The following NELL1 variants were observed in gnomAD, a reference collection of about 807,000 sequenced individuals.
The protein encoded by NELL1 is protein kinase C-binding protein NELL1.
A neutral mutation model predicts 107.4 loss-of-function variants in NELL1; 76 were observed. The observed-to-expected ratio is 0.71, with a 90% CI of 0.59 to 0.86. The LOEUF (loss-of-function observed/expected upper bound fraction) is 0.86, where lower values mean the gene tolerates loss of function less well. NELL1 is among the 40% of genes least tolerant of loss of function. The probability of loss-of-function intolerance (pLI) is 0.00; values close to 1 mark genes in which losing one functional copy is unlikely to be tolerated. For missense variants in NELL1, 1,024 were observed against 1,005.5 expected, an observed-to-expected ratio of 1.02 and a Z score of -0.25; for synonymous variants, 353 against 341.2, an observed-to-expected ratio of 1.03 and a Z score of -0.38.
In NELL1 at chr11:21,560,187, A is replaced by C. The variant is rs772996793; in HGVS notation, c.1787-2A>C. ...TAAGCTTCTGTGCTTCCTATATTGC[A>C]GACATTGATGAATGTGCCTTAAGAA... is the stretch of plus-strand genomic sequence containing the variant. On this transcript the variant is annotated splice_acceptor_variant, in intron 16 of 19. Coordinates refer to ENST00000357134, the MANE Select transcript of NELL1 (RefSeq NM_006157.5). LOFTEE classifies it high-confidence loss of function. 6.2e-7 allele frequency: 1 copy of C among 1,613,460 alleles called. No individual in the cohort carries two copies. The highest frequency in any genetic ancestry group is 2.2e-5 in the East Asian group (1 of 44,762).
At position 20,872,671 on chromosome 11, in the gene NELL1, GGTGTGT is replaced by G. The variant is rs61184129; in HGVS notation, c.507-12736_507-12731del. On this transcript the variant is annotated intron_variant, in intron 4 of 19. Transcript: ENST00000357134. ...TGAATGTGGAGATGCCAGTGTTTGAGGTGTGTGTGTGTGTGTGTGTGTGTGTGTGTG... is the reference window on the plus strand; with the variant it reads ...TGAATGTGGAGATGCCAGTGTTTGAGGTGTGTGTGTGTGTGTGTGTGTGTG... 9.7e-4 allele frequency among the ~76,000 whole-genome samples: 133 copies of G among 137,172 alleles called. 1 individual carries two copies. The highest frequency in any genetic ancestry group is 2.8e-3 in the African/African-American group (104 of 37,564). The allele number at this position is 137,172 out of a possible 152,430, so 90.0% of individuals were successfully genotyped here.
chr11:21,190,605 T>C (rs530996064), intron 13 of NELL1, among the ~76,000 whole-genome samples: 2 of 151,906 alleles, frequency 1.3e-5, no homozygotes, highest in South Asian at 4.2e-4. Context: ...TATGCTCAGT[T>C]CCCATTCTTA....
intron 13 of NELL1, among the ~76,000 whole-genome samples, chr11:21,213,284 A>C (rs1257724748): frequency 4.6e-5 from 7 of 152,190 alleles, no homozygotes; most frequent in Admixed American, 3.3e-4. Context: ...TCAATATAGT[A>C]AAGATGTCAA....
At chr11:21,146,559 C>G (rs370709562) in intron 13 of NELL1, among the ~76,000 whole-genome samples, 5 of 152,046 alleles carry the variant, frequency 3.3e-5, no homozygotes, top group Admixed American at 3.3e-4. Flanking sequence ...TCCTACTTCT[C>G]TCTCCTCCTG....
At chr11:21,270,058 T>C (rs1026175206) in intron 14 of NELL1, among the ~76,000 whole-genome samples, 2 of 151,998 alleles carry the variant, frequency 1.3e-5, no homozygotes, top group African/African-American at 4.8e-5. Context: ...AGTATATTGC[T>C]ATGCTAAGAA....
At chr11:20,973,557 A>G in intron 12 of NELL1, among the ~76,000 whole-genome samples, 1 of 152,246 alleles carries the variant, frequency 6.6e-6, no homozygotes, top group South Asian at 2.1e-4. Context: ...AGGTAGAAGA[A>G]TGTGATTCCA....
chr11:21,164,365 A>T (rs1450778503), intron 13 of NELL1, among the ~76,000 whole-genome samples: 1 of 152,206 alleles, frequency 6.6e-6, no homozygotes, highest in Admixed American at 6.5e-5. Context: ...TTAGTGGAAT[A>T]CCAGGACAAC....
At chr11:20,841,631 A>G (rs1590341387) in intron 3 of NELL1, among the ~76,000 whole-genome samples, 3 of 152,110 alleles carry the variant, frequency 2.0e-5, no homozygotes, top group Non-Finnish European at 4.4e-5. Flanking sequence ...GTTTAAAACT[A>G]TTTTTGGAGG....
At chr11:21,516,117 G>T (rs1051084345) in intron 15 of NELL1, among the ~76,000 whole-genome samples, 4 of 152,126 alleles carry the variant, frequency 2.6e-5, no homozygotes, top group Non-Finnish European at 4.4e-5. Context: ...AGAGTGTTTG[G>T]CATTAGACAG....
intron 14 of NELL1, among the ~76,000 whole-genome samples, chr11:21,308,491 G>T (rs930199565): frequency 2.6e-5 from 4 of 152,032 alleles, no homozygotes; most frequent in Non-Finnish European, 5.9e-5. Context: ...AAAATGTGAT[G>T]AAAGCAGCAT....
At chr11:21,403,377 C>A (rs552807113) in intron 15 of NELL1, among the ~76,000 whole-genome samples, 1 of 151,766 alleles carries the variant, frequency 6.6e-6, no homozygotes, top group African/African-American at 2.4e-5. Flanking sequence ...CCAATCCAAC[C>A]TATCTTAAAC....
At chr11:20,715,248 A>T (rs948386042) in intron 2 of NELL1, among the ~76,000 whole-genome samples, 2 of 151,178 alleles carry the variant, frequency 1.3e-5, no homozygotes, top group South Asian at 4.2e-4. Flanking sequence ...AAAAAATTAT[A>T]TATTGCGCTT....
intron 14 of NELL1, among the ~76,000 whole-genome samples, chr11:21,347,499 G>T (rs1023026378): frequency 1.3e-5 from 2 of 152,120 alleles, no homozygotes; most frequent in African/African-American, 4.8e-5. Context: ...CTACCTGGGA[G>T]GCTGAGGCAG....
At chr11:21,231,865 A>G (rs750234572) in intron 14 of NELL1, among the ~76,000 whole-genome samples, 3 of 152,204 alleles carry the variant, frequency 2.0e-5, no homozygotes, top group Non-Finnish European at 4.4e-5. Flanking sequence ...CTTGTGTTTT[A>G]TAAATGCTGC....
chr11:20,919,278 A>G lies in NELL1; in HGVS notation c.703A>G (p.Ser235Gly). 2 of 1,605,584 alleles carry G rather than the reference A, an allele frequency of 1.2e-6. No individual in the cohort carries two copies. Among genetic ancestry groups the G allele is most frequent in the Non-Finnish European group, 1.7e-6 (2 of 1,174,830 alleles). The change falls in exon 7 of 20, where the codon AGC (serine) becomes GGC (glycine). Residue 235 changes from serine to glycine, a missense_variant. By Grantham distance (56) the Ser-to-Gly change is moderately conservative. Transcript: ENST00000357134. ...HTCPTCSDFL[S>G]LVQGIMDLQE... ...TTGCCCAACCTGCAGTGATTTCTTA[A>G]GCCTGGTGCAAGGAATAATGGATTT...
At chr11:21,537,358 T>C (rs1856165281) in intron 16 of NELL1, among the ~76,000 whole-genome samples, 1 of 152,118 alleles carries the variant, frequency 6.6e-6, no homozygotes, top group South Asian at 2.1e-4. Context: ...ATTTCCTATA[T>C]ATATAAGGCT....
intron 14 of NELL1, among the ~76,000 whole-genome samples, chr11:21,342,989 G>A (rs2133706385): frequency 6.6e-6 from 1 of 152,188 alleles, no homozygotes; most frequent in South Asian, 2.1e-4. Flanking sequence ...ACTGTTGAAT[G>A]GAAAGCTCAC....
chr11:21,401,457 C>A (rs924414022), intron 15 of NELL1, among the ~76,000 whole-genome samples: 1 of 151,800 alleles, frequency 6.6e-6, no homozygotes, highest in Non-Finnish European at 1.5e-5. Flanking sequence ...CTGTGAAGGG[C>A]ATTTGGTATT....
At chr11:20,701,667 T>G (rs1200233570) in intron 2 of NELL1, among the ~76,000 whole-genome samples, 1 of 152,196 alleles carries the variant, frequency 6.6e-6, no homozygotes, top group Non-Finnish European at 1.5e-5. Flanking sequence ...CTTTAATCCA[T>G]CTTGAATTCA....
Sources: gnomAD v4.1 joint callset for allele counts (sites outside exome capture counted in the v4.1 genomes callset) on GRCh38, gnomAD v4.1.1 for gene constraint, MANE v1.5 for transcripts, NCBI Gene and HGNC (gene_info 2026-07-23, HGNC 2026-07-21) for gene names.